Variants in PARVB observed in about 807,000 individuals in gnomAD.
The protein encoded by PARVB is beta-parvin.
PARVB carries 46 observed loss-of-function variants against 47.0 expected under a neutral mutation model. The ratio of observed to expected loss-of-function variants is 0.98; its 90% CI spans 0.77 to 1.25. The LOEUF is 1.25. Among genes scored for constraint, PARVB ranks in the 50% most tolerant of loss-of-function variants. The pLI is 0.00. For synonymous variants in PARVB, 196 were observed against 196.3 expected (o/e 1.00, Z 0.01); for missense variants, 473 against 471.6 (o/e 1.00, Z -0.03).
chr22:44,093,922 C>T lies in PARVB; in HGVS notation c.113-6C>T, dbSNP rs1414357372. The T allele has an allele frequency of 8.7e-6, 14 of 1,608,724 alleles. No individual in the cohort carries two copies. The highest frequency in any genetic ancestry group is 1.2e-5 in the Non-Finnish European group (14 of 1,175,628). On this transcript the variant is annotated splice_region_variant and splice_polypyrimidine_tract_variant and intron_variant, in intron 1 of 12. Coordinates refer to ENST00000338758, the MANE Select transcript of PARVB (RefSeq NM_013327.5). ...AACCTGGTTTTTCTTTCCTTTTGCT[C>T]AACAGTGAGTGACCTGCAGGAAGAA...
At chr22:44,126,135 C>T (rs764178103) in intron 4 of PARVB, among the ~76,000 whole-genome samples, 1 of 152,088 alleles carries the variant, frequency 6.6e-6, no homozygotes, top group Non-Finnish European at 1.5e-5. Flanking sequence ...TACGTGTGAA[C>T]CCAGCAGCAC....
At chr22:44,083,953 G>A (rs1372059027) in intron 1 of PARVB, among the ~76,000 whole-genome samples, 1 of 152,198 alleles carries the variant, frequency 6.6e-6, no homozygotes, top group Non-Finnish European at 1.5e-5. Flanking sequence ...TGGTACATTT[G>A]ACAGAATGGT....
chr22:44,076,144 G>A (rs2051768070), intron 1 of PARVB, among the ~76,000 whole-genome samples: 1 of 152,236 alleles, frequency 6.6e-6, no homozygotes, highest in Non-Finnish European at 1.5e-5. Flanking sequence ...GCCCCTCAAT[G>A]CTAGGCCTGT....
intron 11 of PARVB, among the ~76,000 whole-genome samples, chr22:44,158,361 G>A (rs2053981553): frequency 6.6e-6 from 1 of 152,188 alleles, no homozygotes; most frequent in South Asian, 2.1e-4. Flanking sequence ...TCTCGGTAGA[G>A]TTGTAAACCC....
intron 8 of PARVB, chr22:44,142,737 A>T (rs1412684740): frequency 6.6e-6 from 1 of 152,264 alleles, no homozygotes; most frequent in African/African-American, 2.4e-5. Flanking sequence ...TGGAATCGCA[A>T]GACCATGTAC....
chr22:44,027,947 G>A (rs1022604670), intron 1 of PARVB, among the ~76,000 whole-genome samples: 1 of 141,908 alleles, frequency 7.0e-6, no homozygotes, highest in Non-Finnish European at 1.5e-5. Context: ...ATATTCATGT[G>A]TGTGTATATA....
chr22:44,167,619 G>A (rs972259725), intron 12 of PARVB, among the ~76,000 whole-genome samples: 1 of 152,108 alleles, frequency 6.6e-6, no homozygotes, highest in Non-Finnish European at 1.5e-5. Context: ...TCCCTCCCCT[G>A]CCTCCACTGG....
chr22:44,081,097 C>G (rs2051889273), intron 1 of PARVB, among the ~76,000 whole-genome samples: 1 of 152,188 alleles, frequency 6.6e-6, no homozygotes, highest in African/African-American at 2.4e-5. Flanking sequence ...CCCCTGTGGG[C>G]CGTGAAGGCC....
chr22:44,083,175 T>A (rs1279130276), intron 1 of PARVB, among the ~76,000 whole-genome samples: 1 of 152,186 alleles, frequency 6.6e-6, no homozygotes, highest in African/African-American at 2.4e-5. Flanking sequence ...ACCCTCTTTT[T>A]CCACCCAATT....
chr22:44,047,401 G>A (rs996162291), intron 1 of PARVB, among the ~76,000 whole-genome samples: 3 of 152,180 alleles, frequency 2.0e-5, no homozygotes, highest in African/African-American at 7.2e-5. Context: ...CAAGGCACCA[G>A]ACACTGGGTG....
intron 1 of PARVB, among the ~76,000 whole-genome samples, chr22:44,058,465 C>G (rs1328379672): frequency 2.0e-5 from 3 of 152,160 alleles, no homozygotes. Context: ...CCAGTATGAC[C>G]TCATCCGAAC....
At chr22:44,021,670 C>G (rs1306971856), upstream of PARVB, among the ~76,000 whole-genome samples, 1 of 151,860 alleles carries the variant, frequency 6.6e-6, no homozygotes. Flanking sequence ...ATATCATCAT[C>G]TCACAGGGTC....
chr22:44,105,513 C>G (rs2052547649), intron 3 of PARVB: 1 of 152,426 alleles, frequency 6.6e-6, no homozygotes, highest in Middle Eastern at 3.4e-3. Flanking sequence ...CCTCCTAACC[C>G]CAGTTACTTT....
rs1192634418 is a variant in PARVB at position 44,093,976 on chromosome 22, C to T, written c.161C>T (p.Ser54Phe). 3 of 1,613,450 alleles carry T rather than the reference C, an allele frequency of 1.9e-6. No homozygotes were observed. In the South Asian group the frequency reaches 3.3e-5, roughly 18 times the overall value. Residue 54 changes from serine (S) to phenylalanine (F), a missense_variant, in exon 2 of 13, where the codon TCC (serine) becomes TTC (phenylalanine). By Grantham distance (155) the Ser-to-Phe change is radical (BLOSUM62 -2). Transcript: ENST00000338758. ...EGKNAINSPM[S>F]PALVDVHPED... ...AAGAATGCCATCAACTCACCGATGT[C>T]CCCCGCCCTGGTGGATGTTCACCCT...
chr22:44,144,873 GACCAAGCTGAGC>G (rs1208151218), intron 8 of PARVB: 1 of 152,168 alleles, frequency 6.6e-6, no homozygotes, highest in Non-Finnish European at 1.5e-5. Context: ...ACATTACAGC[GACCAAGCTGAGC>G]ATTCCTGCAG....
At position 44,094,243 on chromosome 22, in the gene PARVB, A is replaced by T. The variant is rs151248108; in HGVS notation, c.202+226A>T. On this transcript the variant is annotated intron_variant, in intron 2 of 12. Coordinates refer to ENST00000338758, the MANE Select transcript of PARVB (RefSeq NM_013327.5). ...GCCCTAGTCTTAAAACGTAAGTTTTATTTTTCAGGTGGTGAAGCAAACAGA... is the reference window on the plus strand; with the variant it reads ...GCCCTAGTCTTAAAACGTAAGTTTTTTTTTTCAGGTGGTGAAGCAAACAGA... Among the ~76,000 whole-genome samples the T allele has an allele frequency of 6.3e-3, 966 of 152,310 alleles. 13 individuals carry two copies. The highest frequency in any genetic ancestry group is 0.022 in the African/African-American group (925 of 41,556).
intron 2 of PARVB, among the ~76,000 whole-genome samples, chr22:44,011,902 G>A (rs1054821810): frequency 1.3e-5 from 2 of 152,122 alleles, no homozygotes; most frequent in South Asian, 4.1e-4. Context: ...TGGGTGGGAG[G>A]AGAAAATAAA....
intron 8 of PARVB, chr22:44,141,670 G>A (rs2053554311): frequency 6.6e-6 from 1 of 152,312 alleles, no homozygotes; most frequent in South Asian, 2.1e-4. Flanking sequence ...CATCACGCCT[G>A]TGGAGAGGGG....
intron 12 of PARVB, among the ~76,000 whole-genome samples, chr22:44,164,699 G>A (rs572137200): frequency 6.6e-6 from 1 of 152,158 alleles, no homozygotes; most frequent in Non-Finnish European, 1.5e-5. Context: ...CCCCCACTTT[G>A]ACCGTGGCCC....
Sources: allele counts gnomAD v4.1 joint callset (sites outside exome capture counted in the v4.1 genomes callset), GRCh38; gene constraint gnomAD v4.1.1; transcripts MANE v1.5; gene names NCBI Gene and HGNC (gene_info 2026-07-23, HGNC 2026-07-21).